The following KLF8 variants were observed in gnomAD, a reference collection of about 807,000 sequenced individuals.
KLF8 encodes the protein Krueppel-like factor 8.
A neutral mutation model predicts 18.2 loss-of-function variants in KLF8; 10 were observed. That is an observed-to-expected ratio of 0.55 (90% CI 0.34 to 0.93). The LOEUF (loss-of-function observed/expected upper bound fraction) is 0.93, where lower values mean the gene tolerates loss of function less well. KLF8 is among the 40% of genes least tolerant of loss of function. KLF8 has a pLI of 0.02. For missense variants in KLF8, 264 were observed against 277.9 expected (o/e 0.95, Z 0.36); for synonymous variants, 109 against 97.3 (o/e 1.12, Z -0.71).
At chrX:56,276,404 A>G (rs2067123733) in intron 5 of KLF8, among the ~76,000 whole-genome samples, 1 of 110,584 alleles carries the variant, frequency 9.0e-6, no homozygotes, top group African/African-American at 3.3e-5. Flanking sequence ...TGATTGAAGT[A>G]CTCCCTTTAG....
the KLF8 span, among the ~76,000 whole-genome samples, chrX:56,003,894 G>C: frequency 1.8e-5 from 2 of 112,114 alleles, no homozygotes; most frequent in Non-Finnish European, 3.8e-5. Context: ...ACAAAGTGAG[G>C]AACAACGTAT....
the KLF8 span, among the ~76,000 whole-genome samples, chrX:55,918,609 A>G: frequency 8.9e-6 from 1 of 112,076 alleles, no homozygotes; most frequent in South Asian, 3.7e-4. Context: ...TCCATCGAAA[A>G]CCTCTAGAAA....
Position 56,247,442 on chromosome X carries a change from C to T in KLF8, c.8-2789C>T, listed in dbSNP as rs932397850. The stretch of plus-strand genomic sequence containing the variant: ...TACTTTAGACTTTTTAAACAGTGTA[C>T]ACTAGGCTACACTAAATTTATAAAC... On this transcript the variant is annotated intron_variant, in intron 1 of 5. Coordinates refer to ENST00000468660, the MANE Select transcript of KLF8 (RefSeq NM_007250.5). Among the ~76,000 whole-genome samples, 3 of 111,739 alleles carry T rather than the reference C, an allele frequency of 2.7e-5. No homozygotes were observed. The Admixed American group carries it at 2.9e-4, about 11-fold the overall frequency.
the KLF8 span, among the ~76,000 whole-genome samples, chrX:56,187,407 C>G: frequency 8.1e-5 from 9 of 111,492 alleles, no homozygotes; most frequent in Middle Eastern, 4.6e-3. Context: ...AAAGAGTCCA[C>G]GACCAGATGA....
the KLF8 span, among the ~76,000 whole-genome samples, chrX:55,956,224 T>G: frequency 2.7e-5 from 3 of 110,359 alleles, no homozygotes; most frequent in African/African-American, 9.9e-5. Context: ...TCTATCTATC[T>G]GTCTATATGC....
the KLF8 span, among the ~76,000 whole-genome samples, chrX:56,082,220 C>T: frequency 5.9e-4 from 66 of 111,681 alleles, no homozygotes; most frequent in African/African-American, 2.0e-3. Context: ...TTTTATTTAC[C>T]TTAACCACTT....
chrX:56,173,105 T>G, the KLF8 span, among the ~76,000 whole-genome samples: 1 of 111,921 alleles, frequency 8.9e-6, no homozygotes, highest in Non-Finnish European at 1.9e-5. Context: ...TGAGTTTAAT[T>G]AGATCCCATT....
the KLF8 span, among the ~76,000 whole-genome samples, chrX:56,140,816 A>AAAAG: frequency 2.4e-4 from 25 of 104,480 alleles, no homozygotes; most frequent in Middle Eastern, 5.3e-3. Context: ...AAAAAAAAAA[A>AAAAG]AAAGAAATGC....
chrX:55,945,729 T>C, the KLF8 span, among the ~76,000 whole-genome samples: 2 of 111,018 alleles, frequency 1.8e-5, no homozygotes, highest in Non-Finnish European at 3.8e-5. Context: ...TGATTGTATA[T>C]CTAGAAAACC....
the KLF8 span, chrX:55,961,738 C>G: frequency 1.4e-5 from 5 of 363,224 alleles, no homozygotes; most frequent in South Asian, 1.5e-4. Flanking sequence ...TTTATTGTTA[C>G]TATGACCCCA....
the KLF8 span, among the ~76,000 whole-genome samples, chrX:55,946,180 C>T: frequency 9.0e-6 from 1 of 111,549 alleles, no homozygotes; most frequent in Non-Finnish European, 1.9e-5. Flanking sequence ...ATCGCCAAGT[C>T]AATCCTAAGC....
chrX:56,220,589 G>C, the KLF8 span, among the ~76,000 whole-genome samples: 1 of 111,174 alleles, frequency 9.0e-6, no homozygotes, highest in African/African-American at 3.3e-5. Flanking sequence ...AGGTTCAAGC[G>C]ATTCTCCTGC....
chrX:56,143,841 A>G, the KLF8 span, among the ~76,000 whole-genome samples: 25 of 112,353 alleles, frequency 2.2e-4, no homozygotes, highest in African/African-American at 8.1e-4. Context: ...TGCCTGATAT[A>G]TAGTAGAACT....
chrX:56,166,710 A>G, the KLF8 span, among the ~76,000 whole-genome samples: 1 of 111,972 alleles, frequency 8.9e-6, no homozygotes, highest in African/African-American at 3.2e-5. Context: ...CTGTTCATTT[A>G]CACTGTAGGA....
the KLF8 span, chrX:55,962,614 A>G: frequency 8.3e-6 from 1 of 120,184 alleles, no homozygotes; most frequent in Non-Finnish European, 1.7e-5. Context: ...GTGTAACAAC[A>G]TTCAGCAATT....
chrX:55,965,054 G>C, the KLF8 span, among the ~76,000 whole-genome samples: 8 of 111,335 alleles, frequency 7.2e-5, no homozygotes, highest in African/African-American at 2.6e-4. Context: ...TTCATTCTAT[G>C]AGGCCAGAAT....
the KLF8 span, among the ~76,000 whole-genome samples, chrX:55,938,263 C>T: frequency 1.8e-5 from 2 of 111,423 alleles, no homozygotes; most frequent in African/African-American, 6.5e-5. Flanking sequence ...AATTTCATAT[C>T]CAACCAAACT....
At chrX:56,058,467 C>T in the KLF8 span, among the ~76,000 whole-genome samples, 1 of 102,619 alleles carries the variant, frequency 9.7e-6, no homozygotes, top group African/African-American at 3.5e-5. Context: ...TTAGGTATTT[C>T]TCCTAATGCT....
the KLF8 span, among the ~76,000 whole-genome samples, chrX:56,008,174 A>G: frequency 9.1e-6 from 1 of 109,507 alleles, no homozygotes; most frequent in African/African-American, 3.4e-5. Context: ...CATTTTGCCT[A>G]CATGCATAAT....
Sources: allele counts gnomAD v4.1 joint callset (sites outside exome capture counted in the v4.1 genomes callset), GRCh38; gene constraint gnomAD v4.1.1; transcripts MANE v1.5; gene names NCBI Gene and HGNC (gene_info 2026-07-23, HGNC 2026-07-21).